Variants in VPS4B observed in about 807,000 individuals in gnomAD.
The protein encoded by VPS4B is vacuolar protein sorting-associated protein 4B.
A neutral mutation model predicts 56.1 loss-of-function variants in VPS4B; 23 were observed. That is an observed-to-expected ratio of 0.41 (90% CI 0.30 to 0.58). The LOEUF is 0.58. VPS4B is among the 20% of genes least tolerant of loss of function. VPS4B has a pLI of 0.29. For synonymous variants in VPS4B, 177 were observed against 186.0 expected, an observed-to-expected ratio of 0.95 and a Z score of 0.39; for missense variants, 372 against 531.9, an observed-to-expected ratio of 0.70 and a Z score of 2.96.
At chr18:63,397,333 T>A in intron 8 of VPS4B, 80 bp from the exon 9 acceptor site, 1 of 1,283,498 alleles carries the variant, frequency 7.8e-7, no homozygotes, top group Admixed American at 2.5e-5. Context: ...CTAAGTTAAG[T>A]GGGCCTGTAT....
intron 1 of VPS4B, 32 bp from the exon 2 acceptor site, chr18:63,411,610 A>T (rs1916048133): frequency 1.4e-6 from 2 of 1,462,186 alleles, no homozygotes; most frequent in African/African-American, 2.8e-5. Flanking sequence ...ACAACATTTA[A>T]ATCAAAGCAT....
At chr18:63,412,182 A>G (rs1179051898) in intron 1 of VPS4B, among the ~76,000 whole-genome samples, 1 of 152,240 alleles carries the variant, frequency 6.6e-6, no homozygotes, top group Non-Finnish European at 1.5e-5. Context: ...GGATGCCACA[A>G]AACAGAACAC....
intron 9 of VPS4B, among the ~76,000 whole-genome samples, chr18:63,394,113 A>G (rs777352023): frequency 2.6e-5 from 4 of 152,170 alleles, no homozygotes; most frequent in Non-Finnish European, 5.9e-5. Context: ...CACACATAGA[A>G]GATGAGTTAA....
At chr18:63,411,367 C>T (rs1359591006) in intron 2 of VPS4B, 100 bp downstream of exon 2, 3 of 806,228 alleles carry the variant, frequency 3.7e-6, no homozygotes, top group East Asian at 3.3e-5. Flanking sequence ...ACAAATGGAT[C>T]GTTTAGAATT....
intron 5 of VPS4B, 105 bp from the exon 6 acceptor site, chr18:63,400,808 T>C: frequency 1.8e-6 from 2 of 1,097,022 alleles, no homozygotes; most frequent in Non-Finnish European, 2.6e-6. Context: ...CCTCTAAGGA[T>C]CAAAACAATA....
Position 63,400,042 on chromosome 18 carries a change from C to A in VPS4B, c.790+6G>T. 1 of 1,594,808 alleles carries A rather than the reference C, an allele frequency of 6.3e-7. No homozygotes were observed. The highest frequency in any genetic ancestry group is 8.5e-7 in the Non-Finnish European group (1 of 1,174,560). ...TCAAAAAGAAAAAAAAAATTAGTAA[C>A]ACTACCTTGCATTTGCACTAGGAAC... On this transcript the variant is annotated splice_donor_region_variant and intron_variant, in intron 7 of 10. Transcript: ENST00000238497.
intron 2 of VPS4B, among the ~76,000 whole-genome samples, chr18:63,410,963 T>C (rs1028458283): frequency 6.6e-6 from 1 of 152,226 alleles, no homozygotes; most frequent in Non-Finnish European, 1.5e-5. Context: ...AAAGTGAACT[T>C]TGGCAACACG....
At chr18:63,411,423 T>C in intron 2 of VPS4B, 44 bp downstream of exon 2, 1 of 1,369,190 alleles carries the variant, frequency 7.3e-7, no homozygotes, top group South Asian at 1.7e-5. Context: ...CAGAATAAAT[T>C]TTCCTTTTCG....
At chr18:63,402,296 A>C (rs975556337) in intron 5 of VPS4B, among the ~76,000 whole-genome samples, 4 of 152,216 alleles carry the variant, frequency 2.6e-5, no homozygotes, top group Non-Finnish European at 5.9e-5. Context: ...AAAGGCACAA[A>C]GCAGTCTTTT....
chr18:63,391,344 T>G (rs1463233227), intron 10 of VPS4B, among the ~76,000 whole-genome samples: 1 of 151,656 alleles, frequency 6.6e-6, no homozygotes, highest in Non-Finnish European at 1.5e-5. Flanking sequence ...TTCTCCTGCC[T>G]CAGCCTCCCA....
At chr18:63,419,588 A>G (rs1916249216) in intron 1 of VPS4B, among the ~76,000 whole-genome samples, 1 of 150,716 alleles carries the variant, frequency 6.6e-6, no homozygotes, top group Non-Finnish European at 1.5e-5. Flanking sequence ...ATTACAATAT[A>G]CTGTAATAAA....
At chr18:63,400,407 G>A in intron 6 of VPS4B, 140 bp downstream of exon 6, 5 of 1,126,110 alleles carry the variant, frequency 4.4e-6, no homozygotes, top group Non-Finnish European at 6.1e-6. Context: ...TTCTAGATTA[G>A]AGACTGATTT....
At chr18:63,395,629 C>T (rs1278256263) in intron 9 of VPS4B, among the ~76,000 whole-genome samples, 1 of 152,166 alleles carries the variant, frequency 6.6e-6, no homozygotes, top group Non-Finnish European at 1.5e-5. Context: ...TTAGTCTTGA[C>T]ATACATTATG....
intron 8 of VPS4B, among the ~76,000 whole-genome samples, chr18:63,398,350 G>A (rs1021489049): frequency 7.2e-5 from 11 of 151,754 alleles, no homozygotes; most frequent in African/African-American, 2.7e-4. Context: ...GAGTAGCTGG[G>A]ACTACAGACA....
chr18:63,414,908 C>A, intron 1 of VPS4B, among the ~76,000 whole-genome samples: 1 of 152,226 alleles, frequency 6.6e-6, no homozygotes, highest in East Asian at 1.9e-4. Context: ...ATTATTTAAG[C>A]ATCTAGCTCC....
chr18:63,393,176 G>A (rs779323581), intron 10 of VPS4B, among the ~76,000 whole-genome samples: 5 of 152,060 alleles, frequency 3.3e-5, no homozygotes, highest in African/African-American at 9.7e-5. Context: ...AGAATCTTGT[G>A]CTTTAAAAAA....
chr18:63,391,093 A>T lies in VPS4B; in HGVS notation c.1234-17T>A, dbSNP rs775595374. 2.0e-6 allele frequency: 3 copies of T among 1,504,514 alleles called. No homozygotes were observed. In the Admixed American group the frequency reaches 5.1e-5, roughly 25 times the overall value. The allele number at this position is 1,504,514 out of a possible 1,614,324, so 93.2% of individuals were successfully genotyped here. ...CATATCCGACTGTCAGGGAAAAAGA[A>T]GGGTAGGGAGGATATTAATAATAGA... On this transcript the variant is annotated splice_polypyrimidine_tract_variant and intron_variant, in intron 10 of 10. Transcript: ENST00000238497.
chr18:63,395,004 A>G (rs1308612494), intron 9 of VPS4B, among the ~76,000 whole-genome samples: 1 of 152,224 alleles, frequency 6.6e-6, no homozygotes, highest in Non-Finnish European at 1.5e-5. Context: ...AAATGCAAAA[A>G]ATAAACAGGG....
intron 1 of VPS4B, 51 bp downstream of exon 1, chr18:63,422,182 G>C: frequency 1.4e-6 from 2 of 1,430,890 alleles, no homozygotes; most frequent in South Asian, 1.5e-5. Flanking sequence ...CGCTTCTCGC[G>C]CCTCCCCTCG....
Sources: gnomAD v4.1 joint callset for allele counts (sites outside exome capture counted in the v4.1 genomes callset) on GRCh38, gnomAD v4.1.1 for gene constraint, MANE v1.5 for transcripts, NCBI Gene and HGNC (gene_info 2026-07-23, HGNC 2026-07-21) for gene names.